The following CNTN5 variants were observed in gnomAD, a reference collection of about 807,000 sequenced individuals.
CNTN5 encodes the protein contactin 5, also known as contactin-5.
CNTN5 carries 77 observed loss-of-function variants against 129.1 expected under a neutral mutation model. The observed-to-expected ratio is 0.60, with a 90% CI of 0.50 to 0.72. The LOEUF (loss-of-function observed/expected upper bound fraction) is 0.72, where lower values mean the gene tolerates loss of function less well. Among genes scored for constraint, CNTN5 ranks in the 30% least tolerant of loss-of-function variants. The pLI is 0.00. For synonymous variants in CNTN5, 509 were observed against 465.6 expected, an observed-to-expected ratio of 1.09 and a Z score of -1.20; for missense variants, 1,478 against 1,328.8, an observed-to-expected ratio of 1.11 and a Z score of -1.75.
intron 2 of CNTN5, among the ~76,000 whole-genome samples, chr11:99,462,355 C>CTT (rs1944736334): frequency 2.3e-5 from 2 of 88,330 alleles, no homozygotes; most frequent in African/African-American, 7.8e-5. Context: ...TTTTTCTTTT[C>CTT]TTTTCTTTTT....
At chr11:99,312,753 T>A (rs1463210213) in intron 1 of CNTN5, among the ~76,000 whole-genome samples, 1 of 151,974 alleles carries the variant, frequency 6.6e-6, no homozygotes, top group Non-Finnish European at 1.5e-5. Flanking sequence ...ATTGTTATTA[T>A]ATTCCAAAAA....
At chr11:100,179,725 C>T (rs1001717797) in intron 13 of CNTN5, among the ~76,000 whole-genome samples, 2 of 151,420 alleles carry the variant, frequency 1.3e-5, no homozygotes, top group Non-Finnish European at 3.0e-5. Flanking sequence ...AGATTATAAC[C>T]ATATTGAACT....
chr11:99,224,935 C>T (rs11218913), intron 1 of CNTN5, among the ~76,000 whole-genome samples: 105,508 of 151,794 alleles, frequency 0.7, 36,668 homozygotes, highest in Admixed American at 0.73. Flanking sequence ...ACTTTAAGAC[C>T]CAGTTTGGAC....
chr11:99,917,457 T>C (rs1949822753), intron 7 of CNTN5, among the ~76,000 whole-genome samples: 1 of 152,132 alleles, frequency 6.6e-6, no homozygotes, highest in African/African-American at 2.4e-5. Flanking sequence ...TCATGTCTCA[T>C]ATTGGTTATT....
intron 6 of CNTN5, among the ~76,000 whole-genome samples, chr11:99,865,565 T>C (rs1948333162): frequency 6.6e-6 from 1 of 151,952 alleles, no homozygotes; most frequent in East Asian, 1.9e-4. Context: ...AAATTAATGA[T>C]ATAACTACTT....
At chr11:99,754,647 G>A (rs890713018) in intron 3 of CNTN5, among the ~76,000 whole-genome samples, 1 of 152,128 alleles carries the variant, frequency 6.6e-6, no homozygotes, top group Non-Finnish European at 1.5e-5. Context: ...TTAAGTGGAA[G>A]GTAGAAGAGT....
At chr11:99,527,684 T>A (rs1209964718) in intron 2 of CNTN5, among the ~76,000 whole-genome samples, 1 of 152,102 alleles carries the variant, frequency 6.6e-6, no homozygotes. Flanking sequence ...ATAGAAGCCA[T>A]GTGAAGTGAG....
At chr11:99,716,219 T>C (rs1051471359) in intron 3 of CNTN5, among the ~76,000 whole-genome samples, 1 of 152,056 alleles carries the variant, frequency 6.6e-6, no homozygotes, top group Non-Finnish European at 1.5e-5. Context: ...ACAATTCCTG[T>C]TGGAGTACTG....
chr11:99,965,553 A>G (rs1260193437), intron 8 of CNTN5, among the ~76,000 whole-genome samples: 1 of 152,044 alleles, frequency 6.6e-6, no homozygotes, highest in African/African-American at 2.4e-5. Flanking sequence ...GTTCTTTTGC[A>G]TTTGCTGAGG....
chr11:99,699,276 T>C (rs541023968), intron 3 of CNTN5, among the ~76,000 whole-genome samples: 1 of 151,660 alleles, frequency 6.6e-6, no homozygotes, highest in East Asian at 1.9e-4. Flanking sequence ...CATTTGCTAC[T>C]TATATTTAAT....
intron 7 of CNTN5, among the ~76,000 whole-genome samples, chr11:99,924,010 T>A (rs1287817361): frequency 6.6e-6 from 1 of 152,194 alleles, no homozygotes; most frequent in African/African-American, 2.4e-5. Flanking sequence ...CACGATGGCC[T>A]CAATCTCCTG....
At chr11:99,719,547 T>C (rs984242345) in intron 3 of CNTN5, among the ~76,000 whole-genome samples, 1 of 151,858 alleles carries the variant, frequency 6.6e-6, no homozygotes, top group Admixed American at 6.6e-5. Flanking sequence ...TAAGGTAGGA[T>C]TAAGGGGAAA....
At chr11:100,295,761 A>G (rs1241033669) in intron 18 of CNTN5, among the ~76,000 whole-genome samples, 1 of 151,264 alleles carries the variant, frequency 6.6e-6, no homozygotes, top group Non-Finnish European at 1.5e-5. Context: ...ACTTATGATC[A>G]TAGGAATGAT....
chr11:99,501,725 T>C (rs1946434777), intron 2 of CNTN5, among the ~76,000 whole-genome samples: 1 of 152,242 alleles, frequency 6.6e-6, no homozygotes, highest in Non-Finnish European at 1.5e-5. Context: ...TATAAAATAA[T>C]GCAATTATTC....
chr11:100,342,101 T>C (rs950460139), intron 23 of CNTN5, among the ~76,000 whole-genome samples: 9 of 151,224 alleles, frequency 6.0e-5, no homozygotes, highest in African/African-American at 2.2e-4. Flanking sequence ...CCATTAATAT[T>C]ATATTACACA....
intron 2 of CNTN5, among the ~76,000 whole-genome samples, chr11:99,529,075 C>G (rs1947600319): frequency 6.6e-6 from 1 of 150,920 alleles, no homozygotes; most frequent in South Asian, 2.1e-4. Flanking sequence ...AACTGAGTCT[C>G]AAAAAACAAA....
intron 3 of CNTN5, among the ~76,000 whole-genome samples, chr11:99,819,298 C>A (rs1305451001): frequency 3.1e-5 from 1 of 31,878 alleles, no homozygotes; most frequent in Non-Finnish European, 6.1e-5. Context: ...TCCTCTCCTC[C>A]CCTTCCCTCC....
chr11:99,989,465 TC>T (rs1337748153), intron 8 of CNTN5, among the ~76,000 whole-genome samples: 2 of 152,052 alleles, frequency 1.3e-5, no homozygotes, highest in African/African-American at 4.8e-5. Context: ...ACTTTTTTTT[TC>T]TTTTTCTAAT....
intron 16 of CNTN5, among the ~76,000 whole-genome samples, chr11:100,254,287 A>G (rs1346593239): frequency 6.6e-6 from 1 of 152,074 alleles, no homozygotes; most frequent in African/African-American, 2.4e-5. Context: ...TCCAGCCCCC[A>G]ATCTAATTTC....
Sources: gnomAD v4.1 joint callset for allele counts (sites outside exome capture counted in the v4.1 genomes callset) on GRCh38, gnomAD v4.1.1 for gene constraint, MANE v1.5 for transcripts, NCBI Gene and HGNC (gene_info 2026-07-23, HGNC 2026-07-21) for gene names.